SLC7A9: variants seen among roughly 807,000 people sequenced by gnomAD.
SLC7A9 encodes the protein B(0,+)-type amino acid transporter 1.
In SLC7A9, 38 loss-of-function variants were observed where a neutral mutation model predicts 54.1. The observed-to-expected ratio is 0.70, with a 90% CI of 0.54 to 0.92. The LOEUF is 0.92. Ranked by LOEUF, SLC7A9 falls within the 40% of genes least tolerant of loss-of-function variation. The probability of loss-of-function intolerance (pLI) is 0.00; values close to 1 mark genes in which losing one functional copy is unlikely to be tolerated. For missense variants in SLC7A9, 537 were observed against 636.1 expected (o/e 0.84, Z 1.68); for synonymous variants, 264 against 258.9 (o/e 1.02, Z -0.19).
chr19:32,844,028 G>A (rs555285626), intron 9 of SLC7A9, 77 bp from the exon 10 acceptor site: 42 of 1,139,390 alleles, frequency 3.7e-5, no homozygotes, highest in African/African-American at 1.1e-4. Context: ...CTTGTGCTCC[G>A]GGGTCCACCA....
At chr19:32,836,976 C>T (rs764045181) in intron 11 of SLC7A9, among the ~76,000 whole-genome samples, 4 of 152,050 alleles carry the variant, frequency 2.6e-5, no homozygotes, top group African/African-American at 7.2e-5. Context: ...TTTGAAGATC[C>T]GCCTGAAAAA....
rs920785177 is a variant in SLC7A9 at position 32,833,127 on chromosome 19, C to T, written c.1399+22G>A. ...CTGCCTGCACCTCACAGAGGCCAAG[C>T]GGCCCTTCTGTTGGTACTTACTTGA... On this transcript the variant is annotated intron_variant, in intron 12 of 12. Coordinates refer to ENST00000023064, the MANE Select transcript of SLC7A9 (RefSeq NM_014270.5). The T allele has an allele frequency of 9.3e-6, 15 of 1,612,720 alleles. No homozygotes were observed. In the Admixed American group the frequency reaches 1.2e-4, roughly 13 times the overall value.
intron 11 of SLC7A9, among the ~76,000 whole-genome samples, chr19:32,840,373 A>G (rs1178747388): frequency 6.6e-6 from 1 of 152,036 alleles, no homozygotes; most frequent in African/African-American, 2.4e-5. Context: ...CTGTTGCCCA[A>G]GCTGGTCTTG....
intron 4 of SLC7A9, among the ~76,000 whole-genome samples, chr19:32,863,839 C>T (rs994543044): frequency 2.0e-5 from 3 of 152,260 alleles, no homozygotes; most frequent in Non-Finnish European, 4.4e-5. Flanking sequence ...GGATTACAGG[C>T]ACCTGCCACC....
chr19:32,844,883 A>AAAAAAAAAAAC, intron 9 of SLC7A9, among the ~76,000 whole-genome samples: 1 of 142,150 alleles, frequency 7.0e-6, no homozygotes, highest in Non-Finnish European at 1.6e-5. Flanking sequence ...AAAAAAAAAA[A>AAAAAAAAAAAC]GCCAGATGTG....
rs12462086 is a variant in SLC7A9 at position 32,868,173 on chromosome 19, T to G, written c.87+275A>C. Among the ~76,000 whole-genome samples, 52,276 of 142,248 alleles carry G rather than the reference T, an allele frequency of 0.37. 10,922 individuals carry two copies. Among genetic ancestry groups the G allele is most frequent in the African/African-American group, 0.57 (21,786 of 38,072 alleles). 93.3% of individuals were successfully genotyped at this position (142,248 alleles called of 152,430 possible). ...TTGAACCGGGGAGGTGAAGGTTGCA[T>G]TGAGCCGAGATGGCAGCACTGCACT... On this transcript the variant is annotated intron_variant, in intron 2 of 12. Transcript: ENST00000023064.
At chr19:32,837,691 C>T (rs373215031) in intron 11 of SLC7A9, among the ~76,000 whole-genome samples, 5 of 152,070 alleles carry the variant, frequency 3.3e-5, no homozygotes, top group African/African-American at 7.2e-5. Context: ...TCTCGCAAGA[C>T]GTGAGACGCT....
At chr19:32,845,366 G>C (rs902640254) in intron 9 of SLC7A9, among the ~76,000 whole-genome samples, 1 of 151,900 alleles carries the variant, frequency 6.6e-6, no homozygotes, top group East Asian at 1.9e-4. Context: ...GTGGTGGCGG[G>C]CACCTGTAAC....
intron 9 of SLC7A9, among the ~76,000 whole-genome samples, chr19:32,850,905 C>G (rs930648339): frequency 1.2e-4 from 18 of 152,008 alleles, no homozygotes; most frequent in African/African-American, 4.1e-4. Context: ...ACAAACCTGA[C>G]AAAAACAAGC....
At chr19:32,868,331 A>G in intron 2 of SLC7A9, 117 bp downstream of exon 2, 1 of 745,578 alleles carries the variant, frequency 1.3e-6, no homozygotes, top group Admixed American at 1.9e-5. Flanking sequence ...TCACAAATCA[A>G]AGAGTACATC....
chr19:32,844,178 C>T (rs965070567), intron 9 of SLC7A9, among the ~76,000 whole-genome samples: 3 of 152,094 alleles, frequency 2.0e-5, no homozygotes, highest in East Asian at 1.9e-4. Flanking sequence ...TGGTGGCTCA[C>T]GCCTGTAATC....
intron 4 of SLC7A9, 142 bp from the exon 5 acceptor site, chr19:32,862,728 TGATCTCAGCTCAC>T (rs1968843373): frequency 5.9e-6 from 4 of 680,082 alleles, no homozygotes; most frequent in Non-Finnish European, 8.5e-6. Flanking sequence ...AGCAGTGGCA[TGATCTCAGCTCAC>T]GATCTCAGCA....
chr19:32,838,307 T>G (rs780354819), intron 11 of SLC7A9, among the ~76,000 whole-genome samples: 1 of 152,040 alleles, frequency 6.6e-6, no homozygotes, highest in African/African-American at 2.4e-5. Flanking sequence ...TCTTTTTTAA[T>G]GTGTCTTTTG....
In SLC7A9 at chr19:32,858,487, T is replaced by C. The variant is rs746929960; in HGVS notation, c.930A>G (p.Ala310=). ...PASWIVPLFV[A]FSTIGAANGT... ...CGTTAGCAGCACCGATGGTTGAAAA[T>C]GCCACAAAAAGTGGAACGATCCAAG... is the stretch of plus-strand genomic sequence containing the variant. The change falls in exon 9 of 13, where the codon GCA becomes GCG. Residue 310 remains alanine, a synonymous_variant. Transcript: ENST00000023064. 1 of 1,613,528 alleles carries C rather than the reference T, an allele frequency of 6.2e-7. No individual in the cohort carries two copies. Among genetic ancestry groups the C allele is most frequent in the Non-Finnish European group, 8.5e-7 (1 of 1,179,966 alleles).
At chr19:32,842,486 T>C (rs1968155419) in intron 10 of SLC7A9, among the ~76,000 whole-genome samples, 169 bp from the exon 11 acceptor site, 1 of 152,222 alleles carries the variant, frequency 6.6e-6, no homozygotes, top group South Asian at 2.1e-4. Context: ...ATGATAGCTC[T>C]TCTCTATGAA....
chr19:32,832,804 G>A, intron 12 of SLC7A9: 2 of 303,154 alleles, frequency 6.6e-6, no homozygotes, highest in Non-Finnish European at 1.3e-5. Context: ...AGCTACTTGG[G>A]AGGCCCAGGT....
chr19:32,858,760 G>C (rs1158863124), intron 8 of SLC7A9, among the ~76,000 whole-genome samples: 1 of 107,862 alleles, frequency 9.3e-6, no homozygotes, highest in Non-Finnish European at 2.0e-5. Flanking sequence ...CTACTCCCTG[G>C]CATAAATCTT....
At position 32,859,879 on chromosome 19, in the gene SLC7A9, T is replaced by C. The variant is rs1968743773; in HGVS notation, c.835A>G (p.Thr279Ala). 6.2e-7 allele frequency: 1 copy of C among 1,614,094 alleles called. No individual in the cohort carries two copies. Among genetic ancestry groups the C allele is most frequent in the Admixed American group, 1.7e-5 (1 of 60,010 alleles). The change falls in exon 8 of 13, where the codon ACT (threonine) becomes GCT (alanine). Residue 279 changes from threonine to alanine, a missense_variant. Physicochemically the swap from Thr to Ala is moderately conservative, Grantham distance 58 (BLOSUM62 0). Coordinates refer to ENST00000023064, the MANE Select transcript of SLC7A9 (RefSeq NM_014270.5). ...LMNVSYFTVM[T>A]ATELLQSQAV... is the part of the protein sequence containing the mutation. ...TGGGACTGCAGGAGTTCGGTGGCAG[T>C]CATCACGGTGAAGTAGGACACGTTC...
chr19:32,842,384 CGAA>C (rs771401889), intron 10 of SLC7A9, 67 bp from the exon 11 acceptor site: 57 of 1,490,024 alleles, frequency 3.8e-5, no homozygotes, highest in Non-Finnish European at 2.1e-5. Flanking sequence ...CACAGAAGAC[CGAA>C]GAAGCAGTTT....
Sources: allele counts gnomAD v4.1 joint callset (sites outside exome capture counted in the v4.1 genomes callset), GRCh38; gene constraint gnomAD v4.1.1; transcripts MANE v1.5; gene names NCBI Gene and HGNC (gene_info 2026-07-23, HGNC 2026-07-21).